The following SKIL variants were observed in gnomAD, a reference collection of about 807,000 sequenced individuals.
SKIL encodes the protein SKI like proto-oncogene, also known as ski-like protein.
Under a neutral mutation model 69.6 loss-of-function variants are expected in SKIL, and 20 were observed. That is an observed-to-expected ratio of 0.29 (90% CI 0.20 to 0.42). The LOEUF (loss-of-function observed/expected upper bound fraction) is 0.42. SKIL is among the 10% of genes least tolerant of loss of function. The probability of loss-of-function intolerance (pLI) is 1.00; values close to 1 mark genes in which losing one functional copy is unlikely to be tolerated. For missense variants in SKIL, 745 were observed against 783.1 expected (o/e 0.95, Z 0.58); for synonymous variants, 310 against 279.9 (o/e 1.11, Z -1.08).
rs1737895967 is a variant in SKIL, at chr3:170,391,185, G to A, written c.1821G>A (p.Leu607=). The A allele has an allele frequency of 6.2e-7, 1 of 1,612,760 alleles. No homozygotes were observed. The highest frequency in any genetic ancestry group is 1.1e-5 in the South Asian group (1 of 90,986). Residue 607 remains leucine (L), a synonymous_variant, in exon 6 of 7, where the codon TTG becomes TTA. Coordinates refer to ENST00000259119, the MANE Select transcript of SKIL (RefSeq NM_005414.5). ...YVEQKDLEKK[L]EQIMKQKCTC... ...AACAGAAAGACTTAGAGAAAAAATT[G>A]GAGCAGATAATGAAGCAAAAATGTA...
At chr3:170,375,107 G>A (rs1179285843) in intron 2 of SKIL, among the ~76,000 whole-genome samples, 1 of 152,194 alleles carries the variant, frequency 6.6e-6, no homozygotes, top group Non-Finnish European at 1.5e-5. Context: ...TTGACCTCAA[G>A]CTGCTGTTTA....
intron 1 of SKIL, chr3:170,359,486 T>A (rs1377673296): frequency 6.6e-6 from 1 of 151,742 alleles, no homozygotes; most frequent in Non-Finnish European, 1.5e-5. Flanking sequence ...TAGTCCCAGC[T>A]ACTCCGGAGT....
chr3:170,360,418 G>GA lies in SKIL; in HGVS notation c.94dup (p.Met32AsnfsTer19). 1 of 1,612,646 alleles carries GA rather than the reference G, an allele frequency of 6.2e-7. No homozygotes were observed. Among genetic ancestry groups the GA allele is most frequent in the Non-Finnish European group, 8.5e-7 (1 of 1,179,262 alleles). ...TGGGAGATGATGGCAGCCCCCCAGCGAAAAAAATGATAACGGACATTCATG... is the reference window on the plus strand; with the variant it reads ...TGGGAGATGATGGCAGCCCCCCAGCGAAAAAAAATGATAACGGACATTCATG... On this transcript the variant is annotated frameshift_variant, in exon 2 of 7. Coordinates refer to ENST00000259119, the MANE Select transcript of SKIL (RefSeq NM_005414.5). LOFTEE classifies it high-confidence loss of function.
rs1056658378 is a variant in SKIL, at chr3:170,395,333, T to C, written c.*2916T>C. The C allele has an allele frequency of 2.6e-5, 4 of 152,158 alleles. No homozygotes were observed. The highest frequency in any genetic ancestry group is 9.6e-5 in the African/African-American group (4 of 41,468). 9.4% of individuals were successfully genotyped at this position (152,158 alleles called of 1,614,324 possible). On this transcript the variant is annotated 3_prime_UTR_variant, in exon 7 of 7. Coordinates refer to ENST00000259119, the MANE Select transcript of SKIL (RefSeq NM_005414.5). ...GTGTGCTTTAGTTTTTGTTTAAGCATATTCTTTTGCTTGAATTTCTGTGTT... is the reference window on the plus strand; with the variant it reads ...GTGTGCTTTAGTTTTTGTTTAAGCACATTCTTTTGCTTGAATTTCTGTGTT...
intron 2 of SKIL, among the ~76,000 whole-genome samples, chr3:170,364,319 T>C (rs1258166349): frequency 8.4e-5 from 1 of 11,870 alleles, no homozygotes; most frequent in East Asian, 7.9e-3. Context: ...GTCTTTTTTT[T>C]TTTTTTTTTT....
In SKIL at chr3:170,361,003, T is replaced by A. The variant is rs752607605; in HGVS notation, c.672T>A (p.Thr224=). The change falls in exon 2 of 7, where the codon ACT becomes ACA. Residue 224 remains threonine, a synonymous_variant. Coordinates refer to ENST00000259119, the MANE Select transcript of SKIL (RefSeq NM_005414.5). ...NAPSCGLITL[T]DAQRLCNALL... is the part of the protein sequence containing the mutation. ...CATCCTGTGGGCTGATTACATTAAC[T>A]GATGCACAAAGATTATGTAATGCTT... is the stretch of plus-strand genomic sequence containing the variant. 2 of 1,614,254 alleles carry A rather than the reference T, an allele frequency of 1.2e-6. No homozygotes were observed. The highest frequency in any genetic ancestry group is 1.7e-6 in the Non-Finnish European group (2 of 1,180,038).
intron 2 of SKIL, among the ~76,000 whole-genome samples, chr3:170,380,527 C>T (rs1737282213): frequency 2.0e-5 from 3 of 151,818 alleles, no homozygotes; most frequent in Admixed American, 1.3e-4. Flanking sequence ...GCCTGTAATC[C>T]CAGCTACTCA....
intron 2 of SKIL, among the ~76,000 whole-genome samples, chr3:170,362,398 G>A (rs892589591): frequency 1.3e-5 from 2 of 152,026 alleles, no homozygotes; most frequent in Admixed American, 1.3e-4. Flanking sequence ...AGCTACTCAG[G>A]AGCTGAGGCA....
At chr3:170,382,429 T>G (rs921707202) in intron 3 of SKIL, among the ~76,000 whole-genome samples, 1 of 151,680 alleles carries the variant, frequency 6.6e-6, no homozygotes, top group South Asian at 2.1e-4. Flanking sequence ...TTTTTTTTTT[T>G]TTTGAGACAA....
At chr3:170,367,758 C>A (rs925352287) in intron 2 of SKIL, among the ~76,000 whole-genome samples, 2 of 151,948 alleles carry the variant, frequency 1.3e-5, no homozygotes, top group African/African-American at 4.8e-5. Flanking sequence ...CGTGAGCCAC[C>A]GTGCCTGGCT....
rs1738102478 is a variant in SKIL at position 170,394,626 on chromosome 3, A to G, written c.*2209A>G. ...AATTATTATGAACTTGTAATTCAGA[A>G]TTGAGTAAAGAAATATTTTTTCTAG... On this transcript the variant is annotated 3_prime_UTR_variant, in exon 7 of 7. Coordinates refer to ENST00000259119, the MANE Select transcript of SKIL (RefSeq NM_005414.5). The G allele has an allele frequency of 6.6e-6, 1 of 152,210 alleles. No homozygotes were observed. The allele number at this position is 152,210 out of a possible 1,614,324, so 9.4% of individuals were successfully genotyped here. A position where few individuals can be genotyped will look rare whatever the true frequency, so the allele number is the denominator to read the frequency against.
At chr3:170,370,186 C>T (rs1338165765) in intron 2 of SKIL, among the ~76,000 whole-genome samples, 1 of 152,016 alleles carries the variant, frequency 6.6e-6, no homozygotes, top group South Asian at 2.1e-4. Flanking sequence ...TTGCAGTGAG[C>T]CGAGATCGCG....
In SKIL at chr3:170,361,150, G is replaced by C; in HGVS notation, c.819G>C (p.Gln273His). ...EVEHECLGKC[Q>H]GLFAPQFYVQ... ...AGCATGAATGCCTAGGCAAATGTCA[G>C]GGTTTATTTGCACCCCAGTTTTATG... is the stretch of plus-strand genomic sequence containing the variant. The change falls in exon 2 of 7, where the codon CAG becomes CAC. Residue 273 changes from glutamine to histidine, a missense_variant. Gln to His is a conservative substitution (Grantham distance 24, BLOSUM62 0). Transcript: ENST00000259119. 1 of 1,614,194 alleles carries C rather than the reference G, an allele frequency of 6.2e-7. No individual in the cohort carries two copies. Among genetic ancestry groups the C allele is most frequent in the Non-Finnish European group, 8.5e-7 (1 of 1,180,036 alleles).
At chr3:170,388,773 C>A (rs535082720) in intron 4 of SKIL, among the ~76,000 whole-genome samples, 95 of 152,160 alleles carry the variant, frequency 6.2e-4, no homozygotes, top group African/African-American at 2.0e-3. Flanking sequence ...ATGTTTATTA[C>A]ATCCAATTTA....
chr3:170,369,984 G>A (rs1577418090), intron 2 of SKIL, among the ~76,000 whole-genome samples: 2 of 152,112 alleles, frequency 1.3e-5, no homozygotes, highest in Admixed American at 6.5e-5. Flanking sequence ...CACGCCTGTA[G>A]TCCCAGCACT....
At chr3:170,376,806 G>A (rs1282867192) in intron 2 of SKIL, among the ~76,000 whole-genome samples, 1 of 152,094 alleles carries the variant, frequency 6.6e-6, no homozygotes, top group Non-Finnish European at 1.5e-5. Context: ...AAACTCCTGA[G>A]CTGAAGCAGT....
intron 2 of SKIL, among the ~76,000 whole-genome samples, chr3:170,370,891 G>C (rs1223934578): frequency 2.0e-5 from 3 of 152,074 alleles, no homozygotes; most frequent in Non-Finnish European, 4.4e-5. Flanking sequence ...ACCGCAGTGA[G>C]CTGTGATGGC....
rs1738173496 is a variant in SKIL, at chr3:170,396,136, G to T, written c.*3719G>T. Reference sequence around the variant, plus strand: ...TGCTACAATTTTTGAATTAGAAAGTGATCAAATGTAAGAAAAAAATTTAAA... The same window carrying T: ...TGCTACAATTTTTGAATTAGAAAGTTATCAAATGTAAGAAAAAAATTTAAA... On this transcript the variant is annotated 3_prime_UTR_variant, in exon 7 of 7. Transcript: ENST00000259119. The T allele has an allele frequency of 6.6e-6, 1 of 151,138 alleles. No homozygotes were observed. The highest frequency in any genetic ancestry group is 2.1e-4 in the South Asian group (1 of 4,804). The allele number at this position is 151,138 out of a possible 1,614,324, so 9.4% of individuals were successfully genotyped here.
At chr3:170,363,567 C>T (rs972915278) in intron 2 of SKIL, among the ~76,000 whole-genome samples, 1 of 151,994 alleles carries the variant, frequency 6.6e-6, no homozygotes, top group African/African-American at 2.4e-5. Flanking sequence ...CAGATTGCAG[C>T]CTCCGCCTCC....
Sources: allele counts gnomAD v4.1 joint callset (sites outside exome capture counted in the v4.1 genomes callset), GRCh38; gene constraint gnomAD v4.1.1; transcripts MANE v1.5; gene names NCBI Gene and HGNC (gene_info 2026-07-23, HGNC 2026-07-21).